Variants in GRIP2 observed in about 807,000 individuals in gnomAD.
The protein encoded by GRIP2 is glutamate receptor-interacting protein 2.
In GRIP2, 58 loss-of-function variants were observed where a neutral mutation model predicts 108.3. That is an observed-to-expected ratio of 0.54 (90% CI 0.43 to 0.67). The LOEUF (loss-of-function observed/expected upper bound fraction) is 0.67, where lower values mean the gene tolerates loss of function less well. Among genes scored for constraint, GRIP2 ranks in the 30% least tolerant of loss-of-function variants. GRIP2 has a pLI of 0.00. For missense variants in GRIP2, 1,278 were observed against 1,430.6 expected (o/e 0.89, Z 1.72); for synonymous variants, 586 against 598.2 (o/e 0.98, Z 0.30).
rs562782651 is a variant in GRIP2, at chr3:14,552,578, C to CCTT, written c.55+3321_55+3322insAAG. On this transcript the variant is annotated intron_variant, in intron 1 of 23. Transcript: ENST00000637182. Reference sequence around the variant, plus strand: ...CCCAAGACTCCTTCCTCCAACCCTACCTATGGTCTGTAGACCACAGCCAGA... The same window carrying CCTT: ...CCCAAGACTCCTTCCTCCAACCCTACCTTCTATGGTCTGTAGACCACAGCCAGA... 2.0e-4 allele frequency among the ~76,000 whole-genome samples: 30 copies of CCTT among 152,164 alleles called. No homozygotes were observed. In the South Asian group the frequency reaches 6.0e-3, roughly 31 times the overall value.
At chr3:14,596,980 T>A in the GRIP2 span, among the ~76,000 whole-genome samples, 2 of 152,188 alleles carry the variant, frequency 1.3e-5, no homozygotes, top group African/African-American at 4.8e-5. Flanking sequence ...TGAGCTCAAG[T>A]AATTCTACCT....
the GRIP2 span, among the ~76,000 whole-genome samples, chr3:14,596,867 A>G: frequency 6.6e-6 from 1 of 151,992 alleles, no homozygotes; most frequent in African/African-American, 2.4e-5. Context: ...CAGCCTCCTG[A>G]GCAGCTGGGA....
intron 1 of GRIP2, among the ~76,000 whole-genome samples, chr3:14,537,125 G>C (rs965441925): frequency 6.6e-6 from 1 of 152,158 alleles, no homozygotes; most frequent in African/African-American, 2.4e-5. Flanking sequence ...ACTCTAAAGG[G>C]AGGTGAAGCC....
intron 21 of GRIP2, 47 bp downstream of exon 21, chr3:14,503,519 A>G (rs766904398): frequency 2.8e-5 from 38 of 1,375,262 alleles, no homozygotes; most frequent in Non-Finnish European, 3.6e-5. Context: ...CACCAGAGTG[A>G]ACAGCCCCGG....
the GRIP2 span, among the ~76,000 whole-genome samples, chr3:14,600,125 C>T: frequency 6.6e-6 from 1 of 152,122 alleles, no homozygotes; most frequent in African/African-American, 2.4e-5. Context: ...CCCCTCAAAC[C>T]CTAGCAGTGG....
the GRIP2 span, among the ~76,000 whole-genome samples, chr3:14,592,272 G>A: frequency 6.6e-6 from 1 of 152,188 alleles, no homozygotes; most frequent in African/African-American, 2.4e-5. Flanking sequence ...AAGTGCCTGA[G>A]AGGCTGATGA....
At chr3:14,510,575 TAAAAGAAAAGAAAAG>T (rs548708361) in intron 16 of GRIP2, among the ~76,000 whole-genome samples, 5 of 149,374 alleles carry the variant, frequency 3.3e-5, no homozygotes, top group African/African-American at 1.3e-4. Context: ...CAACTTTTCT[TAAAAGAAAAGAAAAG>T]AAAAGAAAAG....
chr3:14,554,307 C>T (rs888262641), intron 1 of GRIP2, among the ~76,000 whole-genome samples: 7 of 152,212 alleles, frequency 4.6e-5, no homozygotes, highest in African/African-American at 1.7e-4. Flanking sequence ...GCCTGATCCA[C>T]AGCATTTAGT....
At chr3:14,498,506 T>TG (rs952922800) in intron 21 of GRIP2, among the ~76,000 whole-genome samples, 3 of 150,952 alleles carry the variant, frequency 2.0e-5, no homozygotes, top group Non-Finnish European at 3.0e-5. Context: ...TGGGTTGGAG[T>TG]GGGGGGGAAG....
At chr3:14,532,954 T>C (rs1190207394) in intron 1 of GRIP2, among the ~76,000 whole-genome samples, 1 of 152,244 alleles carries the variant, frequency 6.6e-6, no homozygotes, top group Admixed American at 6.5e-5. Context: ...AGTTGCCAAC[T>C]ACCGTGCTCC....
the GRIP2 span, among the ~76,000 whole-genome samples, chr3:14,599,662 AGT>A: frequency 1.8e-5 from 2 of 113,002 alleles, no homozygotes; most frequent in East Asian, 5.8e-4. Context: ...TTGAAGCACA[AGT>A]CTCTCTCTCT....
rs1693947025 is a variant in GRIP2 at position 14,506,943 on chromosome 3, C to T, written c.2256G>A (p.Glu752=). 6.2e-7 allele frequency: 1 copy of T among 1,607,564 alleles called. No individual in the cohort carries two copies. The highest frequency in any genetic ancestry group is 8.5e-7 in the Non-Finnish European group (1 of 1,177,086). The change falls in exon 19 of 24, where the codon GAG becomes GAA. Residue 752 remains glutamate, a synonymous_variant. Transcript: ENST00000621039. ...CTGGGTCCTCATCAGCATCACTGGT[C>T]TCACTGAGGCTGCCCGACTTGCGGG... ...LLPRKSGSLS[E]TSDADEDPAD...
chr3:14,540,353 C>T, upstream of GRIP2: 1 of 1,612,438 alleles, frequency 6.2e-7, no homozygotes, highest in Non-Finnish European at 8.5e-7. This position sits in a 1 kb window ranked among gnomAD's most constrained non-coding sequence, Gnocchi z 4.1. Flanking sequence ...CCTCGGGAGC[C>T]ACGCTGCTTG....
chr3:14,576,598 A>C, the GRIP2 span, among the ~76,000 whole-genome samples: 15 of 152,318 alleles, frequency 9.8e-5, 1 homozygote, highest in Admixed American at 6.5e-4. Flanking sequence ...GACCATAGAG[A>C]GCAAGTAATG....
At chr3:14,538,177 C>T (rs959852377) in intron 1 of GRIP2, among the ~76,000 whole-genome samples, 7 of 152,166 alleles carry the variant, frequency 4.6e-5, no homozygotes, top group African/African-American at 1.2e-4. Flanking sequence ...CACTCACTGA[C>T]GCACACTGCC....
chr3:14,573,123 G>A, the GRIP2 span: 2 of 1,433,604 alleles, frequency 1.4e-6, no homozygotes, highest in East Asian at 4.6e-5. Context: ...GTCGATCCAG[G>A]GCAGCAGCCC....
At chr3:14,541,841 CT>C (rs1308995395), upstream of GRIP2, 1 of 1,291,994 alleles carries the variant, frequency 7.7e-7, no homozygotes, top group Non-Finnish European at 1.0e-6. Context: ...TCCTGGACGA[CT>C]CAAATCATGC....
chr3:14,524,783 GGT>G (rs1694509787), intron 3 of GRIP2, among the ~76,000 whole-genome samples: 1 of 152,100 alleles, frequency 6.6e-6, no homozygotes, highest in Non-Finnish European at 1.5e-5. Flanking sequence ...CTTCTGCAGG[GGT>G]GTCTCAGACG....
Position 14,493,679 on chromosome 3 carries a change from G to A in GRIP2, c.3118C>T (p.Pro1040Ser). 6.2e-6 allele frequency: 10 copies of A among 1,603,870 alleles called. No homozygotes were observed. The highest frequency in any genetic ancestry group is 1.8e-4 in the Middle Eastern group (1 of 5,580). Residue 1040 changes from proline (P) to serine (S), a missense_variant, in exon 24 of 24, where the codon CCC becomes TCC. Coordinates refer to ENST00000621039, the MANE Select transcript of GRIP2 (RefSeq NM_001080423.4). The stretch of plus-strand genomic sequence containing the variant: ...ACATGCTGACTTCAGAGCATCCGGG[G>A]ACTGCTGGGGCCTGGCGATCGGGGG... ...RAPRSPGPSS[P>S]RML is the part of the protein sequence containing the mutation.
Sources: allele counts gnomAD v4.1 joint callset (sites outside exome capture counted in the v4.1 genomes callset), GRCh38; gene constraint gnomAD v4.1.1; non-coding constraint Gnocchi (gnomAD v3.1); transcripts MANE v1.5; gene names NCBI Gene and HGNC (gene_info 2026-07-23, HGNC 2026-07-21).